Variants in TMEM178B observed in about 807,000 individuals in gnomAD.
TMEM178B encodes transmembrane protein 178B.
A neutral mutation model predicts 31.0 loss-of-function variants in TMEM178B; 5 were observed. The ratio of observed to expected loss-of-function variants is 0.16; its 90% confidence interval spans 0.08 to 0.34. The LOEUF (loss-of-function observed/expected upper bound fraction) is 0.34. Ranked by LOEUF, TMEM178B falls within the 10% of genes least tolerant of loss-of-function variation. The pLI is 1.00. For synonymous variants in TMEM178B, 164 were observed against 164.0 expected (o/e 1.00, Z 0.00); for missense variants, 275 against 400.3 (o/e 0.69, Z 2.67).
chr7:141,383,984 C>T (rs6953588), intron 2 of TMEM178B, among the ~76,000 whole-genome samples: 43,468 of 151,986 alleles, frequency 0.29, 6,801 homozygotes, highest in African/African-American at 0.4. Flanking sequence ...ATGAACATTT[C>T]TTCATGTGTC....
In TMEM178B at chr7:141,123,501, G is replaced by A. The variant is rs572551890; in HGVS notation, c.382+48809G>A. Among the ~76,000 whole-genome samples, 3 of 152,334 alleles carry A rather than the reference G, an allele frequency of 2.0e-5. No homozygotes were observed. The East Asian group carries it at 5.8e-4, about 29-fold the overall frequency. On this transcript the variant is annotated intron_variant, in intron 1 of 3. Transcript: ENST00000565468. ...TGTTTGCATTCATGCAGAGGAGATG[G>A]CAGCTGTTAGTGGCTGTGCACCTGC...
At chr7:141,385,472 A>C (rs532889515) in intron 2 of TMEM178B, among the ~76,000 whole-genome samples, 23 of 152,246 alleles carry the variant, frequency 1.5e-4, no homozygotes, top group Non-Finnish European at 2.6e-4. Context: ...ACATTGAAAA[A>C]TTCAGAAAAC....
At chr7:141,256,549 T>C (rs974922743) in intron 2 of TMEM178B, among the ~76,000 whole-genome samples, 1 of 152,166 alleles carries the variant, frequency 6.6e-6, no homozygotes, top group Non-Finnish European at 1.5e-5. Flanking sequence ...GTCAAGTTCA[T>C]GTAACCTACA....
chr7:141,273,089 G>A (rs927879544), intron 2 of TMEM178B, among the ~76,000 whole-genome samples: 3 of 152,184 alleles, frequency 2.0e-5, no homozygotes, highest in Non-Finnish European at 2.9e-5. Context: ...ATGTATAAAC[G>A]TGGAGAACAT....
intron 2 of TMEM178B, among the ~76,000 whole-genome samples, chr7:141,424,676 G>T (rs146209415): frequency 4.3e-4 from 66 of 152,158 alleles, no homozygotes; most frequent in African/African-American, 1.6e-3. Flanking sequence ...ACCCAAAAAA[G>T]CCTCCCTGTT....
chr7:141,386,265 C>T lies in TMEM178B; in HGVS notation c.497-51343C>T, dbSNP rs150531464. On this transcript the variant is annotated intron_variant, in intron 2 of 3. Coordinates refer to ENST00000565468, the MANE Select transcript of TMEM178B (RefSeq NM_001195278.2). ...GACCCTTTGTAGTAGAATGCCTCCA[C>T]TGGTGCCATTCTATACAAAGGGTTG... Among the ~76,000 whole-genome samples the T allele has an allele frequency of 7.2e-5, 11 of 152,328 alleles. No homozygotes were observed. The East Asian group carries it at 9.6e-4, about 13-fold the overall frequency.
chr7:141,224,766 G>A (rs961955454), intron 2 of TMEM178B, among the ~76,000 whole-genome samples: 11 of 152,206 alleles, frequency 7.2e-5, no homozygotes, highest in Non-Finnish European at 1.6e-4. Context: ...TCTGGCAGAA[G>A]GAGAAGTCAG....
chr7:141,142,308 T>C (rs111427175), intron 1 of TMEM178B, among the ~76,000 whole-genome samples: 9,228 of 152,234 alleles, frequency 0.061, 942 homozygotes, highest in African/African-American at 0.21. Context: ...CTGTTGGGCA[T>C]CTGGACTGAT....
rs116508094 is a variant in TMEM178B at position 141,399,162 on chromosome 7, T to A, written c.497-38446T>A. 6.8e-3 allele frequency among the ~76,000 whole-genome samples: 1,030 copies of A among 152,352 alleles called. 18 individuals carry two copies. The highest frequency in any genetic ancestry group is 0.022 in the African/African-American group (927 of 41,580). On this transcript the variant is annotated intron_variant, in intron 2 of 3. Transcript: ENST00000565468. ...CCTGACTTCCCTCCCATTTTCTTGT[T>A]TCTTATCTTCAGATGCCTATCACAC... is the stretch of plus-strand genomic sequence containing the variant.
At chr7:141,290,856 G>A (rs2116420910) in intron 2 of TMEM178B, among the ~76,000 whole-genome samples, 1 of 152,252 alleles carries the variant, frequency 6.6e-6, no homozygotes, top group East Asian at 1.9e-4. Flanking sequence ...ATGATGGCTG[G>A]GAATAGTGAC....
At chr7:141,087,448 A>C (rs1794807017) in intron 1 of TMEM178B, among the ~76,000 whole-genome samples, 3 of 152,162 alleles carry the variant, frequency 2.0e-5, no homozygotes, top group Non-Finnish European at 4.4e-5. Flanking sequence ...CAAGAATTCC[A>C]AGAGCCACTA....
chr7:141,215,337 A>ATTATTATTATTTTTTTTT (rs55726735), intron 2 of TMEM178B, among the ~76,000 whole-genome samples: 4 of 141,488 alleles, frequency 2.8e-5, no homozygotes, highest in Non-Finnish European at 6.1e-5. Flanking sequence ...TATTATTATT[A>ATTATTATTATTTTTTTTT]TTTTTTGAGA....
intron 2 of TMEM178B, among the ~76,000 whole-genome samples, chr7:141,286,000 G>A (rs533337416): frequency 1.3e-5 from 2 of 152,198 alleles, no homozygotes; most frequent in South Asian, 4.2e-4. Context: ...TAGATGACGG[G>A]TTGATGGGTG....
intron 2 of TMEM178B, among the ~76,000 whole-genome samples, chr7:141,277,065 A>ACTG (rs1798278406): frequency 6.6e-6 from 1 of 152,068 alleles, no homozygotes; most frequent in African/African-American, 2.4e-5. Flanking sequence ...GGACATTACT[A>ACTG]TACACTGTTG....
At chr7:141,316,826 G>A (rs1038938827) in intron 2 of TMEM178B, among the ~76,000 whole-genome samples, 3 of 152,124 alleles carry the variant, frequency 2.0e-5, no homozygotes, top group Non-Finnish European at 2.9e-5. Flanking sequence ...TCTTAAGTTG[G>A]TATGTTTATA....
intron 1 of TMEM178B, among the ~76,000 whole-genome samples, chr7:141,143,218 A>G (rs1456203659): frequency 6.6e-6 from 1 of 152,166 alleles, no homozygotes; most frequent in Non-Finnish European, 1.5e-5. Flanking sequence ...TTTTTAGTTT[A>G]ATTAGGTCCC....
intron 2 of TMEM178B, among the ~76,000 whole-genome samples, chr7:141,368,017 T>C (rs1800041135): frequency 6.6e-6 from 1 of 152,056 alleles, no homozygotes; most frequent in Non-Finnish European, 1.5e-5. Context: ...AGCAGGCACA[T>C]GTTGAAAAAT....
intron 1 of TMEM178B, among the ~76,000 whole-genome samples, chr7:141,124,898 C>A (rs1390495188): frequency 2.6e-5 from 4 of 152,172 alleles, no homozygotes; most frequent in Admixed American, 2.6e-4. Context: ...AATTTCAAGA[C>A]TTATTTTCTC....
At chr7:141,372,529 T>G (rs1800137085) in intron 2 of TMEM178B, among the ~76,000 whole-genome samples, 1 of 152,152 alleles carries the variant, frequency 6.6e-6, no homozygotes, top group African/African-American at 2.4e-5. Flanking sequence ...CTGCTTACAT[T>G]CTAGGTTCCC....
Sources: allele counts gnomAD v4.1 joint callset (sites outside exome capture counted in the v4.1 genomes callset), GRCh38; gene constraint gnomAD v4.1.1; transcripts MANE v1.5; gene names NCBI Gene and HGNC (gene_info 2026-07-23, HGNC 2026-07-21).